ARHGAP44: variants seen among roughly 807,000 people sequenced by gnomAD.
ARHGAP44 encodes the protein rho GTPase-activating protein 44.
A neutral mutation model predicts 106.8 loss-of-function variants in ARHGAP44; 43 were observed. The ratio of observed to expected loss-of-function variants is 0.40; its 90% CI spans 0.32 to 0.52. The LOEUF (loss-of-function observed/expected upper bound fraction) is 0.52. Ranked by LOEUF, ARHGAP44 falls within the 20% of genes least tolerant of loss-of-function variation. The probability of loss-of-function intolerance (pLI) is 0.48; values close to 1 mark genes in which losing one functional copy is unlikely to be tolerated. For synonymous variants in ARHGAP44, 439 were observed against 410.3 expected, an observed-to-expected ratio of 1.07 and a Z score of -0.85; for missense variants, 866 against 1,050.5, an observed-to-expected ratio of 0.82 and a Z score of 2.43.
chr17:12,854,316 C>G (rs1180716860), intron 1 of ARHGAP44, among the ~76,000 whole-genome samples: 1 of 152,056 alleles, frequency 6.6e-6, no homozygotes, highest in African/African-American at 2.4e-5. Context: ...CTGTTGTGGT[C>G]TTTTTTTCCC....
intron 1 of ARHGAP44, among the ~76,000 whole-genome samples, chr17:12,818,085 A>G (rs2034650325): frequency 6.6e-6 from 1 of 152,026 alleles, no homozygotes; most frequent in African/African-American, 2.4e-5. Context: ...ATGAACACAG[A>G]TGTAAAAAAT....
At chr17:12,868,601 A>G (rs1232123923) in intron 1 of ARHGAP44, among the ~76,000 whole-genome samples, 3 of 92,236 alleles carry the variant, frequency 3.3e-5, no homozygotes, top group Non-Finnish European at 6.3e-5. Flanking sequence ...TTATATATAT[A>G]TATATATATA....
At chr17:12,877,441 G>T (rs2036590546) in intron 1 of ARHGAP44, among the ~76,000 whole-genome samples, 2 of 152,074 alleles carry the variant, frequency 1.3e-5, no homozygotes, top group African/African-American at 4.8e-5. Context: ...ATCATCGTTG[G>T]TTTATAAAAT....
Position 12,966,306 on chromosome 17 carries a change from G to A in ARHGAP44, c.1524-6996G>A, listed in dbSNP as rs1213483446. Among the ~76,000 whole-genome samples, 7 of 152,102 alleles carry A rather than the reference G, an allele frequency of 4.6e-5. No individual in the cohort carries two copies. In the South Asian group the frequency reaches 6.2e-4, roughly 14 times the overall value. On this transcript the variant is annotated intron_variant, in intron 16 of 20. Coordinates refer to ENST00000379672, the MANE Select transcript of ARHGAP44 (RefSeq NM_014859.6). ...AATGTGACTCCTATTTTGGTTTAGG[G>A]TTGTCTACATGGAGAGGGATGTTTT...
Position 12,896,466 on chromosome 17 carries a change from C to A in ARHGAP44, c.153C>A (p.Thr51=), listed in dbSNP as rs192254681. The part of the protein sequence containing the change: ...QVSHSTHKKL[T]ACLQGQQGAE... ...CCCACAGCACGCACAAGAAGCTCAC[C>A]GCATGTCTGCAGGGCCAGCAAGGGG... The change falls in exon 3 of 21, where the codon ACC becomes ACA. Residue 51 remains threonine, a synonymous_variant. Transcript: ENST00000379672. 2 of 1,609,656 alleles carry A rather than the reference C, an allele frequency of 1.2e-6. No homozygotes were observed. Among genetic ancestry groups the A allele is most frequent in the Non-Finnish European group, 8.5e-7 (1 of 1,178,310 alleles).
chr17:12,950,538 G>A lies in ARHGAP44; in HGVS notation c.1055+808G>A, dbSNP rs541173828. On this transcript the variant is annotated intron_variant, in intron 12 of 20. Coordinates refer to ENST00000379672, the MANE Select transcript of ARHGAP44 (RefSeq NM_014859.6). ...TTTTTGAGTCCTGGCTTATTTCCTC[G>A]GTTATGCGTGCATTAGGATGGCATT... Among the ~76,000 whole-genome samples the A allele has an allele frequency of 1.1e-3, 172 of 152,268 alleles. 1 individual carries two copies. The highest frequency in any genetic ancestry group is 2.1e-3 in the Admixed American group (32 of 15,294).
chr17:12,920,243 G>A (rs1463663514), intron 6 of ARHGAP44, among the ~76,000 whole-genome samples: 1 of 150,782 alleles, frequency 6.6e-6, no homozygotes, highest in Non-Finnish European at 1.5e-5. Context: ...GGGCATGGTG[G>A]CGGGTGCCTG....
At chr17:12,965,141 C>CA (rs1184066502) in intron 16 of ARHGAP44, among the ~76,000 whole-genome samples, 2 of 152,236 alleles carry the variant, frequency 1.3e-5, no homozygotes, top group Non-Finnish European at 2.9e-5. Flanking sequence ...AGCTGCCCCA[C>CA]AGACCCCATC....
intron 1 of ARHGAP44, among the ~76,000 whole-genome samples, chr17:12,843,411 A>AT (rs67301977): frequency 0.23 from 34,281 of 150,350 alleles, 5,670 homozygotes; most frequent in African/African-American, 0.46. Flanking sequence ...CATTGTAAGC[A>AT]TTTTTTTTTC....
In ARHGAP44 at chr17:12,816,337, TAC is replaced by T. The variant is rs1187770168; in HGVS notation, c.53+26451_53+26452del. Among the ~76,000 whole-genome samples, 16 of 152,206 alleles carry T rather than the reference TAC, an allele frequency of 1.1e-4. No individual in the cohort carries two copies. In the South Asian group the frequency reaches 1.7e-3, roughly 16 times the overall value. On this transcript the variant is annotated intron_variant, in intron 1 of 20. Coordinates refer to ENST00000379672, the MANE Select transcript of ARHGAP44 (RefSeq NM_014859.6). ...AGTTGAGAAGGTATAAAACTAACCATACACACCCCTGCTAAAACTGCCACACA... is the reference window on the plus strand; with the variant it reads ...AGTTGAGAAGGTATAAAACTAACCATACACCCCTGCTAAAACTGCCACACA...
chr17:12,988,932 A>C (rs1433259754), intron 20 of ARHGAP44: 1 of 148,078 alleles, frequency 6.8e-6, no homozygotes, highest in African/African-American at 2.5e-5. Context: ...CACCAAAAAA[A>C]AAAAAAAAAA....
intron 13 of ARHGAP44, among the ~76,000 whole-genome samples, chr17:12,954,881 A>G (rs2039089396): frequency 1.3e-5 from 2 of 152,098 alleles, no homozygotes; most frequent in South Asian, 4.2e-4. Context: ...TTTTCATACC[A>G]TTGAACCTTT....
At chr17:12,948,723 T>TACACACACACACAC (rs71369353) in intron 10 of ARHGAP44, among the ~76,000 whole-genome samples, 6 of 29,310 alleles carry the variant, frequency 2.0e-4, no homozygotes, top group African/African-American at 4.0e-4. Context: ...CCAACACACA[T>TACACACACACACAC]ACACACACAC....
chr17:12,790,036 A>G, intron 1 of ARHGAP44, 145 bp downstream of exon 1: 1 of 701,628 alleles, frequency 1.4e-6, no homozygotes, highest in Non-Finnish European at 2.2e-6. Flanking sequence ...CGCCGCTCGC[A>G]GGCGCGACCC....
intron 10 of ARHGAP44, among the ~76,000 whole-genome samples, chr17:12,945,519 T>C (rs1042270586): frequency 6.6e-6 from 1 of 152,192 alleles, no homozygotes; most frequent in Admixed American, 6.5e-5. Context: ...TATAAACTTA[T>C]TGCCGGAGAT....
At chr17:12,812,477 C>T (rs1385506649) in intron 1 of ARHGAP44, among the ~76,000 whole-genome samples, 2 of 152,042 alleles carry the variant, frequency 1.3e-5, no homozygotes, top group African/African-American at 4.8e-5. Context: ...ATTTACTCCT[C>T]GAAACATTAC....
intron 1 of ARHGAP44, among the ~76,000 whole-genome samples, chr17:12,869,256 A>G (rs1225559346): frequency 1.3e-5 from 2 of 152,152 alleles, no homozygotes; most frequent in Non-Finnish European, 2.9e-5. Context: ...ACGAAGGAAA[A>G]GGTAACATTT....
chr17:12,937,456 G>A (rs988216569), intron 7 of ARHGAP44, among the ~76,000 whole-genome samples: 4 of 152,096 alleles, frequency 2.6e-5, no homozygotes, highest in South Asian at 4.2e-4. Flanking sequence ...CCATCAACTC[G>A]TCAATTACAG....
Position 12,836,526 on chromosome 17 carries a change from T to G in ARHGAP44, c.53+46635T>G, listed in dbSNP as rs199595057. Among the ~76,000 whole-genome samples the G allele has an allele frequency of 2.0e-5, 3 of 152,094 alleles. No homozygotes were observed. The East Asian group carries it at 5.8e-4, about 29-fold the overall frequency. On this transcript the variant is annotated intron_variant, in intron 1 of 20. Transcript: ENST00000379672. ...GGCCGGGCATGGTGGCACATGCCTG[T>G]AATCCCAGCTACTCGGGAGGCTGAG...
Sources: gnomAD v4.1 joint callset for allele counts (sites outside exome capture counted in the v4.1 genomes callset) on GRCh38, gnomAD v4.1.1 for gene constraint, MANE v1.5 for transcripts, NCBI Gene and HGNC (gene_info 2026-07-23, HGNC 2026-07-21) for gene names.